COL21A1: variants seen among roughly 807,000 people sequenced by gnomAD.
The protein encoded by COL21A1 is collagen type XXI alpha 1 chain.
COL21A1 carries 149 observed loss-of-function variants against 137.9 expected under a neutral mutation model. The ratio of observed to expected loss-of-function variants is 1.08; its 90% CI spans 0.95 to 1.24. The LOEUF is 1.24. COL21A1 is among the 50% of genes most tolerant of loss of function. COL21A1 has a pLI of 0.00. For missense variants in COL21A1, 1,167 were observed against 1,158.4 expected, an observed-to-expected ratio of 1.01 and a Z score of -0.11; for synonymous variants, 456 against 391.5, an observed-to-expected ratio of 1.16 and a Z score of -1.95.
chr6:56,300,685 C>T (rs926202768), intron 1 of COL21A1, among the ~76,000 whole-genome samples: 3 of 152,050 alleles, frequency 2.0e-5, no homozygotes, highest in African/African-American at 7.2e-5. Flanking sequence ...GCTTTGGCTT[C>T]CATTGCTTTC....
chr6:56,354,201 T>A (rs1765781347), intron 1 of COL21A1, among the ~76,000 whole-genome samples: 1 of 152,146 alleles, frequency 6.6e-6, no homozygotes. Flanking sequence ...GGGCTAAAAG[T>A]CAGGTGGTGG....
intron 10 of COL21A1, among the ~76,000 whole-genome samples, chr6:56,153,609 C>T (rs1434951956): frequency 1.3e-5 from 2 of 151,870 alleles, no homozygotes; most frequent in Non-Finnish European, 1.5e-5. Flanking sequence ...CCTCTCTGTG[C>T]TTAATTCATT....
In COL21A1 at chr6:56,129,231, C is replaced by T. The variant is rs552127355; in HGVS notation, c.1543-3082G>A. Among the ~76,000 whole-genome samples the T allele has an allele frequency of 5.3e-5, 8 of 152,184 alleles. No homozygotes were observed. The South Asian group carries it at 1.7e-3, about 32-fold the overall frequency. On this transcript the variant is annotated intron_variant, in intron 12 of 29. Transcript: ENST00000244728. ...TGTGGAGTATCTGTGCATATGTGTG[C>T]ATGTGTACATATAAGTGTGTGTGTG...
intron 16 of COL21A1, among the ~76,000 whole-genome samples, chr6:56,102,654 A>G (rs888736223): frequency 5.3e-5 from 8 of 152,198 alleles, no homozygotes; most frequent in South Asian, 2.1e-4. Context: ...TATAGAAAAT[A>G]AAGCACAGAA....
At chr6:56,205,842 G>C (rs1467060605) in intron 1 of COL21A1, among the ~76,000 whole-genome samples, 1 of 152,134 alleles carries the variant, frequency 6.6e-6, no homozygotes, top group Non-Finnish European at 1.5e-5. Flanking sequence ...CATTCGTAAA[G>C]AAAAGAATTT....
chr6:56,347,951 A>C (rs1033617236), intron 1 of COL21A1, among the ~76,000 whole-genome samples: 1 of 152,232 alleles, frequency 6.6e-6, no homozygotes, highest in Non-Finnish European at 1.5e-5. Context: ...TATTTAAAAA[A>C]TATTATCATT....
chr6:56,237,174 A>C (rs894933957), intron 1 of COL21A1, among the ~76,000 whole-genome samples: 3 of 152,026 alleles, frequency 2.0e-5, no homozygotes, highest in African/African-American at 4.8e-5. Flanking sequence ...TCTAGAGTCT[A>C]CAGTAATAGA....
At chr6:56,135,057 C>T (rs970074593) in intron 12 of COL21A1, among the ~76,000 whole-genome samples, 2 of 151,826 alleles carry the variant, frequency 1.3e-5, no homozygotes, top group East Asian at 3.9e-4. Flanking sequence ...AAAATAAAAT[C>T]ATCAGTAATT....
chr6:56,077,535 G>A lies in COL21A1; in HGVS notation c.1851C>T (p.Gly617=), dbSNP rs1767353741. 6.3e-7 allele frequency: 1 copy of A among 1,575,382 alleles called. No individual in the cohort carries two copies. The highest frequency in any genetic ancestry group is 1.8e-5 in the Admixed American group (1 of 56,698). Residue 617 remains glycine, a synonymous_variant, in exon 18 of 30, where the codon GGC becomes GGT. Coordinates refer to ENST00000244728, the MANE Select transcript of COL21A1 (RefSeq NM_030820.4). ...AACTCTCATGAATACTTACCTTTTG[G>A]CCCATTAATCCTCGGTTTCCAGGAA... is the stretch of plus-strand genomic sequence containing the variant. ...PGFPGNRGLM[G]QKGEIGPPGQ...
At chr6:56,093,570 A>G (rs1200166790) in intron 17 of COL21A1, among the ~76,000 whole-genome samples, 1 of 152,156 alleles carries the variant, frequency 6.6e-6, no homozygotes, top group African/African-American at 2.4e-5. Flanking sequence ...AAAAAATTCC[A>G]TCAGATTTCA....
At chr6:56,096,438 A>G (rs1388455264) in intron 17 of COL21A1, among the ~76,000 whole-genome samples, 1 of 152,216 alleles carries the variant, frequency 6.6e-6, no homozygotes, top group Non-Finnish European at 1.5e-5. Flanking sequence ...TGGTTGAAAC[A>G]AGTTATAATA....
chr6:56,244,547 C>T (rs1782536948), intron 1 of COL21A1, among the ~76,000 whole-genome samples: 1 of 152,128 alleles, frequency 6.6e-6, no homozygotes, highest in Non-Finnish European at 1.5e-5. Context: ...ACATTAAATT[C>T]TAATTCTAAT....
At chr6:56,110,200 A>G (rs1290734263) in intron 16 of COL21A1, among the ~76,000 whole-genome samples, 1 of 151,274 alleles carries the variant, frequency 6.6e-6, no homozygotes, top group East Asian at 1.9e-4. Flanking sequence ...AATGTTGTAT[A>G]TTAAGAAAAT....
At chr6:56,110,127 A>T (rs548440948) in intron 16 of COL21A1, among the ~76,000 whole-genome samples, 1 of 152,180 alleles carries the variant, frequency 6.6e-6, no homozygotes. Context: ...TAAAAAGAAT[A>T]TTATAAGATA....
At chr6:56,235,553 G>A (rs1781846186) in intron 1 of COL21A1, among the ~76,000 whole-genome samples, 1 of 151,944 alleles carries the variant, frequency 6.6e-6, no homozygotes, top group Non-Finnish European at 1.5e-5. Flanking sequence ...GTACTAGGCT[G>A]ACATCAGGGG....
chr6:56,093,187 G>A (rs1262416446), intron 17 of COL21A1, among the ~76,000 whole-genome samples: 2 of 152,024 alleles, frequency 1.3e-5, no homozygotes, highest in Admixed American at 1.3e-4. Context: ...ATTAAGAGCT[G>A]ATGTCTCGGG....
intron 1 of COL21A1, among the ~76,000 whole-genome samples, chr6:56,361,767 T>C (rs1765972974): frequency 1.3e-5 from 2 of 151,654 alleles, no homozygotes; most frequent in Non-Finnish European, 2.9e-5. Context: ...TGCGTGTGCG[T>C]GTGTGTGTGT....
intron 1 of COL21A1, among the ~76,000 whole-genome samples, chr6:56,246,593 G>A (rs1225183936): frequency 6.6e-6 from 1 of 152,020 alleles, no homozygotes; most frequent in African/African-American, 2.4e-5. Flanking sequence ...ATTAAGTAAG[G>A]TCCAACCCAA....
At chr6:56,244,779 C>T (rs1016533580) in intron 1 of COL21A1, among the ~76,000 whole-genome samples, 18 of 152,042 alleles carry the variant, frequency 1.2e-4, no homozygotes, top group Non-Finnish European at 2.4e-4. Context: ...CAACTTATCG[C>T]TAAAATAAAA....
Sources: gnomAD v4.1 joint callset for allele counts (sites outside exome capture counted in the v4.1 genomes callset) on GRCh38, gnomAD v4.1.1 for gene constraint, MANE v1.5 for transcripts, NCBI Gene and HGNC (gene_info 2026-07-23, HGNC 2026-07-21) for gene names.